AP3M2: variants seen among roughly 807,000 people sequenced by gnomAD.
AP3M2 encodes the protein AP-3 complex subunit mu-2.
Under a neutral mutation model 41.6 loss-of-function variants are expected in AP3M2, and 28 were observed. The ratio of observed to expected loss-of-function variants is 0.67; its 90% CI spans 0.50 to 0.92. The LOEUF is 0.92. Ranked by LOEUF, AP3M2 falls within the 40% of genes least tolerant of loss-of-function variation. AP3M2 has a pLI of 0.00. For synonymous variants in AP3M2, 193 were observed against 186.4 expected, an observed-to-expected ratio of 1.04 and a Z score of -0.29; for missense variants, 427 against 521.4, an observed-to-expected ratio of 0.82 and a Z score of 1.76.
chr8:42,167,808 C>T lies in AP3M2; in HGVS notation c.1154C>T (p.Ser385Phe), dbSNP rs1226531212. ...LQFKIQQLAISGLKVNRLDMY... is the reference protein window; with the variant it reads ...LQFKIQQLAIFGLKVNRLDMY... Reference sequence around the variant, plus strand: ...TTTAAGATCCAGCAGCTGGCCATTTCTGGTAAGTGACCCAGAGCTCAAGAG... The same window carrying T: ...TTTAAGATCCAGCAGCTGGCCATTTTTGGTAAGTGACCCAGAGCTCAAGAG... Residue 385 changes from serine (S) to phenylalanine (F), a missense_variant and splice_region_variant, in exon 8 of 9, where the codon TCT becomes TTT. Physicochemically the swap from Ser to Phe is radical, Grantham distance 155. Transcript: ENST00000396926. 1.2e-6 allele frequency: 2 copies of T among 1,611,452 alleles called. No homozygotes were observed. Among genetic ancestry groups the T allele is most frequent in the Non-Finnish European group, 1.7e-6 (2 of 1,179,292 alleles).
At chr8:42,155,805 C>T in intron 2 of AP3M2, 1 of 328,136 alleles carries the variant, frequency 3.0e-6, no homozygotes, top group South Asian at 2.4e-5. Context: ...GTCATATGAA[C>T]ACTGGAATTG....
At chr8:42,167,568 C>G in intron 7 of AP3M2, 98 bp from the exon 8 acceptor site, 3 of 1,460,584 alleles carry the variant, frequency 2.1e-6, no homozygotes, top group Middle Eastern at 3.6e-4. Context: ...ATGTTGTGGA[C>G]AGGTGCCCTG....
chr8:42,153,915 C>T (rs1436238070), intron 1 of AP3M2: 1 of 152,090 alleles, frequency 6.6e-6, no homozygotes, highest in Non-Finnish European at 1.5e-5. Flanking sequence ...TTCTGGTGGG[C>T]AGAAATAGAA....
chr8:42,154,062 T>C (rs1283288417), intron 1 of AP3M2: 1 of 152,208 alleles, frequency 6.6e-6, no homozygotes, highest in Admixed American at 6.5e-5. Context: ...TATTAAATTA[T>C]TGGTAAGATA....
Position 42,167,098 on chromosome 8 carries a change from T to C in AP3M2, c.804-66T>C, listed in dbSNP as rs573341238. The C allele has an allele frequency of 1.5e-5, 21 of 1,426,856 alleles. No homozygotes were observed. The East Asian group carries it at 1.8e-4, about 12-fold the overall frequency. The allele number at this position is 1,426,856 out of a possible 1,614,324, so 88.4% of individuals were successfully genotyped here. A position where few individuals can be genotyped will look rare whatever the true frequency, so the allele number is the denominator to read the frequency against. The stretch of plus-strand genomic sequence containing the variant: ...TACCCACAGGGCAGAAAAAGCATCA[T>C]GTGAAAGGAAGAACTACCATTTTCC... On this transcript the variant is annotated intron_variant, in intron 6 of 8. Transcript: ENST00000396926.
intron 8 of AP3M2, 137 bp from the exon 9 acceptor site, chr8:42,168,824 A>G (rs1564120041): frequency 3.4e-6 from 2 of 587,370 alleles, no homozygotes; most frequent in Admixed American, 3.5e-5. Context: ...TGGAGAATCC[A>G]TCTGCTCTGC....
At chr8:42,159,776 G>A (rs935448184) in intron 3 of AP3M2, among the ~76,000 whole-genome samples, 9 of 152,130 alleles carry the variant, frequency 5.9e-5, no homozygotes, top group Non-Finnish European at 1.3e-4. Context: ...GCATAAGCAA[G>A]CATTTTCATG....
chr8:42,159,121 T>C (rs1236916342), intron 3 of AP3M2, among the ~76,000 whole-genome samples: 1 of 152,214 alleles, frequency 6.6e-6, no homozygotes, highest in African/African-American at 2.4e-5. Context: ...TATAGTTTTC[T>C]TCCATGTGGA....
intron 1 of AP3M2, chr8:42,154,094 C>T (rs1176612527): frequency 6.6e-6 from 1 of 151,708 alleles, no homozygotes; most frequent in Non-Finnish European, 1.5e-5. Flanking sequence ...TTTTTTCATG[C>T]AAAGCCTTTC....
At chr8:42,165,698 C>T (rs1161277234) in intron 6 of AP3M2, 138 bp downstream of exon 6, 2 of 1,032,692 alleles carry the variant, frequency 1.9e-6, no homozygotes, top group African/African-American at 1.6e-5. Context: ...ATTGGGTAAC[C>T]TCAGGTGAGT....
intron 5 of AP3M2, 33 bp from the exon 6 acceptor site, chr8:42,165,394 C>T: frequency 6.2e-7 from 1 of 1,608,556 alleles, no homozygotes; most frequent in Non-Finnish European, 8.5e-7. Flanking sequence ...GTTTAATGCC[C>T]ACTTCTTGCT....
At chr8:42,156,963 A>C (rs567489139) in intron 2 of AP3M2, among the ~76,000 whole-genome samples, 35 of 152,214 alleles carry the variant, frequency 2.3e-4, no homozygotes, top group Non-Finnish European at 4.3e-4. Flanking sequence ...AGTTTAGCAA[A>C]AGAAAGAACT....
chr8:42,154,903 G>A lies in AP3M2; in HGVS notation c.216G>A (p.Thr72=), dbSNP rs1316725165. 11 of 1,614,022 alleles carry A rather than the reference G, an allele frequency of 6.8e-6. No individual in the cohort carries two copies. Among genetic ancestry groups the A allele is most frequent in the African/African-American group, 1.3e-5 (1 of 74,902 alleles). Residue 72 remains threonine, a synonymous_variant, in exon 2 of 9, where the codon ACG becomes ACA. Transcript: ENST00000396926. ...TCTTTTTTGTGGCCGTGATCCAGACGGAGGTCCCCCCTCTGTTTGTCATTG... is the reference window on the plus strand; with the variant it reads ...TCTTTTTTGTGGCCGTGATCCAGACAGAGGTCCCCCCTCTGTTTGTCATTG... ...HKIFFVAVIQ[T]EVPPLFVIEF...
chr8:42,155,262 T>A (rs1804325914), intron 2 of AP3M2, among the ~76,000 whole-genome samples: 1 of 152,250 alleles, frequency 6.6e-6, no homozygotes. Flanking sequence ...TAGATTGTTT[T>A]TGCCTGGTGG....
intron 2 of AP3M2, among the ~76,000 whole-genome samples, chr8:42,157,159 C>G (rs1223486626): frequency 6.6e-6 from 1 of 152,158 alleles, no homozygotes; most frequent in African/African-American, 2.4e-5. Flanking sequence ...ATCACGCATT[C>G]CATTTTGTAG....
chr8:42,168,878 A>C (rs184923651), intron 8 of AP3M2, 83 bp from the exon 9 acceptor site: 350 of 979,982 alleles, frequency 3.6e-4, no homozygotes, highest in Non-Finnish European at 4.9e-4. Context: ...CACTGACTTC[A>C]GTGTATTGAA....
At chr8:42,159,283 G>A (rs1014660491) in intron 3 of AP3M2, among the ~76,000 whole-genome samples, 4 of 152,144 alleles carry the variant, frequency 2.6e-5, no homozygotes, top group Non-Finnish European at 5.9e-5. Context: ...CTGTGTCAAG[G>A]GGTGTATACA....
chr8:42,156,493 G>A (rs561609174), intron 2 of AP3M2, among the ~76,000 whole-genome samples: 5 of 152,304 alleles, frequency 3.3e-5, no homozygotes, highest in South Asian at 2.1e-4. Flanking sequence ...GCTGTATTGC[G>A]AGGCTCCTTT....
At chr8:42,168,127 A>G in intron 8 of AP3M2, 3 of 520,784 alleles carry the variant, frequency 5.8e-6, no homozygotes, top group Non-Finnish European at 1.1e-5. Flanking sequence ...CAAGGTTTTC[A>G]GTATGAGAAT....
Sources: allele counts gnomAD v4.1 joint callset (sites outside exome capture counted in the v4.1 genomes callset), GRCh38; gene constraint gnomAD v4.1.1; transcripts MANE v1.5; gene names NCBI Gene and HGNC (gene_info 2026-07-23, HGNC 2026-07-21).